Variants in DIAPH2 observed in about 807,000 individuals in gnomAD.
DIAPH2 encodes protein diaphanous homolog 2.
In DIAPH2, 35 loss-of-function variants were observed where a neutral mutation model predicts 92.7. The ratio of observed to expected loss-of-function variants is 0.38; its 90% confidence interval spans 0.29 to 0.50. The LOEUF (loss-of-function observed/expected upper bound fraction) is 0.50, where lower values mean the gene tolerates loss of function less well. DIAPH2 is among the 20% of genes least tolerant of loss of function. The pLI is 0.94. For missense variants in DIAPH2, 701 were observed against 819.5 expected (o/e 0.86, Z 1.77); for synonymous variants, 301 against 280.4 (o/e 1.07, Z -0.73).
intron 5 of DIAPH2, among the ~76,000 whole-genome samples, chrX:96,892,618 A>G (rs762302247): frequency 8.9e-6 from 1 of 111,919 alleles, no homozygotes; most frequent in Admixed American, 9.6e-5. Context: ...ACATGCAATG[A>G]TATTACCTCT....
chrX:96,821,073 C>T (rs1294199069), intron 4 of DIAPH2, among the ~76,000 whole-genome samples: 3 of 111,331 alleles, frequency 2.7e-5, no homozygotes, highest in African/African-American at 9.8e-5. Flanking sequence ...GTAGTATGAG[C>T]GCCAAGTGAT....
At chrX:97,390,853 A>G (rs1392610399) in intron 25 of DIAPH2, among the ~76,000 whole-genome samples, 1 of 112,336 alleles carries the variant, frequency 8.9e-6, no homozygotes, top group Non-Finnish European at 1.9e-5. Flanking sequence ...TATCCAAATA[A>G]GTTTTTATGC....
chrX:97,106,502 T>G (rs771604222), intron 20 of DIAPH2, among the ~76,000 whole-genome samples: 2 of 112,236 alleles, frequency 1.8e-5, no homozygotes, highest in African/African-American at 6.5e-5. Flanking sequence ...ACCTGAAAAT[T>G]GAATATTCAA....
intron 22 of DIAPH2, among the ~76,000 whole-genome samples, chrX:97,179,404 C>T (rs2147462516): frequency 9.1e-6 from 1 of 110,249 alleles, no homozygotes; most frequent in East Asian, 2.9e-4. Flanking sequence ...TGTTCCCCTC[C>T]CTGTGTCCAT....
intron 23 of DIAPH2, among the ~76,000 whole-genome samples, chrX:97,333,590 A>G (rs1383273687): frequency 1.9e-5 from 2 of 108,007 alleles, no homozygotes; most frequent in African/African-American, 6.8e-5. Context: ...TTTGAGATGG[A>G]GTCTCACTCT....
chrX:96,991,539 G>GGTCTT (rs1432922084), intron 17 of DIAPH2, among the ~76,000 whole-genome samples: 2 of 87,331 alleles, frequency 2.3e-5, no homozygotes, highest in Non-Finnish European at 4.3e-5. Context: ...GTTTTATGGT[G>GGTCTT]TTTTTTTTTT....
chrX:97,059,929 G>T (rs2147900968), intron 17 of DIAPH2, among the ~76,000 whole-genome samples: 1 of 111,904 alleles, frequency 8.9e-6, no homozygotes, highest in East Asian at 2.8e-4. Flanking sequence ...CTTCTTCATG[G>T]ATTGTCACAG....
At chrX:97,384,868 A>AAAT (rs2069584667) in intron 25 of DIAPH2, among the ~76,000 whole-genome samples, 1 of 107,795 alleles carries the variant, frequency 9.3e-6, no homozygotes, top group Non-Finnish European at 1.9e-5. Flanking sequence ...TGTATCTCAA[A>AAAT]AAATAAATAA....
At chrX:96,806,029 C>A (rs2064621633) in intron 4 of DIAPH2, among the ~76,000 whole-genome samples, 1 of 112,080 alleles carries the variant, frequency 8.9e-6, no homozygotes, top group African/African-American at 3.2e-5. Context: ...CCATTATTCA[C>A]CATCACTATA....
chrX:97,155,325 A>T (rs777403603), intron 22 of DIAPH2, among the ~76,000 whole-genome samples: 15 of 110,332 alleles, frequency 1.4e-4, no homozygotes, highest in Middle Eastern at 4.6e-3. Flanking sequence ...ACATGGTAAA[A>T]CCCCGTCTCT....
At chrX:97,444,133 CTGTT>C (rs1195863907) in intron 26 of DIAPH2, among the ~76,000 whole-genome samples, 1 of 111,376 alleles carries the variant, frequency 9.0e-6, no homozygotes, top group Non-Finnish European at 1.9e-5. Context: ...AGGATTTGAT[CTGTT>C]TGTTTGAGGG....
intron 4 of DIAPH2, among the ~76,000 whole-genome samples, chrX:96,841,515 G>A (rs1202564445): frequency 2.7e-5 from 3 of 111,742 alleles, no homozygotes; most frequent in Non-Finnish European, 3.8e-5. Flanking sequence ...TGCCTTGAAA[G>A]TGCATCCAGA....
intron 22 of DIAPH2, among the ~76,000 whole-genome samples, chrX:97,185,480 T>TACAC (rs2067592131): frequency 9.9e-4 from 6 of 6,050 alleles, no homozygotes; most frequent in Non-Finnish European, 2.6e-3. Flanking sequence ...TACACATATA[T>TACAC]ATATATATAT....
chrX:96,719,954 C>G (rs1392720516), intron 1 of DIAPH2, among the ~76,000 whole-genome samples: 1 of 111,593 alleles, frequency 9.0e-6, no homozygotes, highest in Non-Finnish European at 1.9e-5. Flanking sequence ...ACTTTTCTAC[C>G]CTTCTACCTG....
intron 26 of DIAPH2, among the ~76,000 whole-genome samples, chrX:97,524,038 C>T (rs190854998): frequency 1.8e-5 from 2 of 111,266 alleles, no homozygotes; most frequent in East Asian, 5.6e-4. Context: ...TAGAGTAAAC[C>T]GTAGAATAGT....
intron 17 of DIAPH2, among the ~76,000 whole-genome samples, chrX:96,989,211 T>C (rs769678806): frequency 8.9e-6 from 1 of 112,009 alleles, no homozygotes; most frequent in South Asian, 3.7e-4. Flanking sequence ...CCAAAATGGA[T>C]CATACATATG....
intron 25 of DIAPH2, among the ~76,000 whole-genome samples, chrX:97,402,884 A>G (rs1350791723): frequency 2.2e-5 from 2 of 90,235 alleles, no homozygotes; most frequent in Non-Finnish European, 4.6e-5. Context: ...TTCAGATGTT[A>G]TAAGAAACTT....
chrX:97,253,328 A>G (rs2068206509), intron 23 of DIAPH2, among the ~76,000 whole-genome samples: 1 of 35,685 alleles, frequency 2.8e-5, no homozygotes, highest in Non-Finnish European at 7.4e-5. Flanking sequence ...AAAGAGGAAA[A>G]GAGTGCTTTT....
intron 26 of DIAPH2, among the ~76,000 whole-genome samples, chrX:97,588,145 G>A (rs2071490608): frequency 1.8e-5 from 2 of 112,250 alleles, no homozygotes; most frequent in African/African-American, 6.5e-5. Context: ...ACTCTTCAGT[G>A]TAAGTACCAT....
Sources: allele counts gnomAD v4.1 joint callset (sites outside exome capture counted in the v4.1 genomes callset), GRCh38; gene constraint gnomAD v4.1.1; transcripts MANE v1.5; gene names NCBI Gene and HGNC (gene_info 2026-07-23, HGNC 2026-07-21).